The following FAAH2 variants were observed in gnomAD, a reference collection of about 807,000 sequenced individuals.
The protein encoded by FAAH2 is fatty-acid amide hydrolase 2.
In FAAH2, 60 loss-of-function variants were observed where a neutral mutation model predicts 36.9. The ratio of observed to expected loss-of-function variants is 1.63; its 90% CI spans 1.32 to 2.02. The LOEUF is 2.02. Ranked by LOEUF, FAAH2 falls within the 30% of genes most tolerant of loss-of-function variation. FAAH2 has a pLI of 0.00. For synonymous variants in FAAH2, 214 were observed against 143.8 expected (o/e 1.49, Z -3.49); for missense variants, 689 against 397.5 (o/e 1.73, Z -6.23).
At chrX:57,454,921 G>A (rs1466405255) in intron 10 of FAAH2, among the ~76,000 whole-genome samples, 2 of 111,337 alleles carry the variant, frequency 1.8e-5, no homozygotes, top group African/African-American at 6.5e-5. Flanking sequence ...TCCCAGGGAG[G>A]AGGACATACA....
At chrX:57,461,309 T>A (rs1470419611) in intron 10 of FAAH2, among the ~76,000 whole-genome samples, 1 of 111,520 alleles carries the variant, frequency 9.0e-6, no homozygotes, top group Non-Finnish European at 1.9e-5. Context: ...GCAAACCTAA[T>A]AGACATCTGC....
At chrX:57,310,522 G>A (rs2052663093) in intron 2 of FAAH2, 71 bp from the exon 3 acceptor site, 2 of 1,068,120 alleles carry the variant, frequency 1.9e-6, no homozygotes, top group Non-Finnish European at 2.5e-6. Context: ...ATGTTGATAT[G>A]GGTATTCTTT....
the FAAH2 span, among the ~76,000 whole-genome samples, chrX:57,139,851 C>T: frequency 9.0e-6 from 1 of 111,610 alleles, no homozygotes; most frequent in African/African-American, 3.3e-5. Context: ...CCTTCTGTAG[C>T]TCCATATGAA....
chrX:57,381,803 T>A, intron 7 of FAAH2, among the ~76,000 whole-genome samples: 1 of 111,077 alleles, frequency 9.0e-6, no homozygotes, highest in Non-Finnish European at 1.9e-5. Context: ...AGGAATTGAA[T>A]TCAGCTCTGC....
Position 57,378,759 on chromosome X carries a change from A to T in FAAH2, c.851A>T (p.Lys284Met). ...GCTGAAGACCTGGCCCCCATGTTGAAGGTCATGGCAGGACCTGGGATCAAA... is the reference window on the plus strand; with the variant it reads ...GCTGAAGACCTGGCCCCCATGTTGATGGTCATGGCAGGACCTGGGATCAAA... ...RYAEDLAPML[K>M]VMAGPGIKRL... Residue 284 changes from lysine (K) to methionine (M), a missense_variant, in exon 6 of 11, where the codon AAG (lysine) becomes ATG (methionine). Coordinates refer to ENST00000374900, the MANE Select transcript of FAAH2 (RefSeq NM_174912.4). 8.3e-7 allele frequency: 1 copy of T among 1,210,009 alleles called. No individual in the cohort carries two copies. Among genetic ancestry groups the T allele is most frequent in the Non-Finnish European group, 1.1e-6 (1 of 894,686 alleles).
the FAAH2 span, among the ~76,000 whole-genome samples, chrX:57,273,323 C>T: frequency 2.7e-5 from 3 of 111,305 alleles, no homozygotes; most frequent in Non-Finnish European, 1.9e-5. Context: ...GAGAATTTCA[C>T]ACTCCACTGT....
Position 57,484,774 on chromosome X carries a change from G to T in FAAH2, c.1424-3983G>T, listed in dbSNP as rs2057444198. Among the ~76,000 whole-genome samples the T allele has an allele frequency of 5.4e-5, 6 of 111,280 alleles. No individual in the cohort carries two copies. The Admixed American group carries it at 5.7e-4, about 11-fold the overall frequency. On this transcript the variant is annotated intron_variant, in intron 10 of 10. Coordinates refer to ENST00000374900, the MANE Select transcript of FAAH2 (RefSeq NM_174912.4). ...CTGACCTCAGGTGCCAGGAGGACTG[G>T]ATAGGTACTAGCTGTGTTAGACTGG...
At chrX:57,373,987 AC>A (rs1320502804) in intron 5 of FAAH2, among the ~76,000 whole-genome samples, 2 of 111,029 alleles carry the variant, frequency 1.8e-5, no homozygotes, top group Admixed American at 9.6e-5. Flanking sequence ...TCCTTTTCCC[AC>A]TTTAGGTTTT....
chrX:57,394,858 C>T (rs2055254999), intron 7 of FAAH2: 3 of 1,084,482 alleles, frequency 2.8e-6, no homozygotes, highest in South Asian at 3.7e-5. Context: ...TGGCATTGTT[C>T]CACAGAAGCA....
intron 2 of FAAH2, among the ~76,000 whole-genome samples, chrX:57,293,912 A>T (rs938061329): frequency 7.2e-5 from 8 of 110,751 alleles, no homozygotes; most frequent in African/African-American, 2.0e-4. Context: ...AGAAAACAGG[A>T]CTGTTTCTAA....
chrX:57,239,362 G>A, the FAAH2 span, among the ~76,000 whole-genome samples: 2 of 111,262 alleles, frequency 1.8e-5, no homozygotes, highest in African/African-American at 6.5e-5. Context: ...CTTTAAGAAT[G>A]ATGAATATGG....
At chrX:57,459,406 A>G (rs1171288425) in intron 10 of FAAH2, among the ~76,000 whole-genome samples, 2 of 112,305 alleles carry the variant, frequency 1.8e-5, no homozygotes, top group African/African-American at 6.5e-5. Flanking sequence ...GCACAGCTTC[A>G]GTGAACTTAA....
At chrX:57,183,786 C>T in the FAAH2 span, among the ~76,000 whole-genome samples, 9 of 111,041 alleles carry the variant, frequency 8.1e-5, no homozygotes, top group East Asian at 2.8e-4. Context: ...TTTTAGGGAA[C>T]GAGGGAAGAC....
intron 7 of FAAH2, among the ~76,000 whole-genome samples, chrX:57,418,000 T>A (rs2055891827): frequency 9.0e-6 from 1 of 111,308 alleles, no homozygotes; most frequent in African/African-American, 3.3e-5. Context: ...TCCCCCCAGT[T>A]TGAACTTCCT....
chrX:57,423,385 C>T (rs2056083978), intron 7 of FAAH2, among the ~76,000 whole-genome samples: 1 of 111,150 alleles, frequency 9.0e-6, no homozygotes. Context: ...CAGGACTAGA[C>T]CAGCATGGAT....
At chrX:57,365,878 C>G (rs577603462) in intron 5 of FAAH2, among the ~76,000 whole-genome samples, 1 of 112,140 alleles carries the variant, frequency 8.9e-6, no homozygotes, top group African/African-American at 3.2e-5. Flanking sequence ...GAATTTCCTG[C>G]AGTGAATTTT....
chrX:57,331,339 G>A (rs945928966), intron 3 of FAAH2, among the ~76,000 whole-genome samples: 1 of 111,085 alleles, frequency 9.0e-6, no homozygotes, highest in Non-Finnish European at 1.9e-5. Context: ...GGAGCAAGGA[G>A]CAAGTCCCAG....
the FAAH2 span, among the ~76,000 whole-genome samples, chrX:57,172,634 T>A: frequency 8.9e-6 from 1 of 112,062 alleles, no homozygotes; most frequent in South Asian, 3.7e-4. Context: ...CTTGGAGAAT[T>A]AATACAAGGT....
intron 10 of FAAH2, among the ~76,000 whole-genome samples, chrX:57,458,737 G>A (rs2056906318): frequency 9.0e-6 from 1 of 111,627 alleles, no homozygotes; most frequent in African/African-American, 3.3e-5. Context: ...AGGAGTGGGG[G>A]CCTCCGTTCC....
Sources: gnomAD v4.1 joint callset for allele counts (sites outside exome capture counted in the v4.1 genomes callset) on GRCh38, gnomAD v4.1.1 for gene constraint, MANE v1.5 for transcripts, NCBI Gene and HGNC (gene_info 2026-07-23, HGNC 2026-07-21) for gene names.